The following ACTA2 variants were observed in gnomAD, a reference collection of about 807,000 sequenced individuals.
The protein encoded by ACTA2 is actin alpha 2, smooth muscle.
In ACTA2, 12 loss-of-function variants were observed where a neutral mutation model predicts 39.5. The observed-to-expected ratio is 0.30, with a 90% CI of 0.19 to 0.49. The LOEUF is 0.49. Ranked by LOEUF, ACTA2 falls within the 20% of genes least tolerant of loss-of-function variation. ACTA2 has a pLI of 0.99. For missense variants in ACTA2, 236 were observed against 498.8 expected (o/e 0.47, Z 5.02); for synonymous variants, 158 against 180.6 (o/e 0.88, Z 1.00).
At chr10:88,940,290 G>T (rs1046626696) in intron 6 of ACTA2, 16 of 162,378 alleles carry the variant, frequency 9.9e-5, no homozygotes, top group Non-Finnish European at 2.0e-4. Context: ...TACGGAAGAA[G>T]TGGGCAGGGA....
At chr10:88,954,458 A>G (rs1044177208), upstream of ACTA2, among the ~76,000 whole-genome samples, 1 of 152,198 alleles carries the variant, frequency 6.6e-6, no homozygotes, top group African/African-American at 2.4e-5. Context: ...CATCACAGGA[A>G]TCATGTGAAG....
intron 8 of ACTA2, 78 bp from the exon 9 acceptor site, chr10:88,935,444 A>C: frequency 2.0e-6 from 3 of 1,495,812 alleles, no homozygotes; most frequent in Non-Finnish European, 2.8e-6. Context: ...CAGAGCCTGG[A>C]TGTTCTACCA....
In ACTA2 at chr10:88,963,703, G is replaced by A. The variant is rs889982266; in HGVS notation, c.-23-14750C>T. On this transcript the variant is annotated intron_variant, in intron 1 of 4. Coordinates refer to the ACTA2 transcript ENST00000415557. The stretch of plus-strand genomic sequence containing the variant: ...CAAATGCCATTCTCATTGGAGGCTA[G>A]TGAAGAAGGTGAGTTGACAAGCTTG... Among the ~76,000 whole-genome samples, 3 of 152,172 alleles carry A rather than the reference G, an allele frequency of 2.0e-5. No homozygotes were observed. The East Asian group carries it at 5.8e-4, about 29-fold the overall frequency.
intron 1 of ACTA2, among the ~76,000 whole-genome samples, chr10:88,962,417 A>C (rs1846239700): frequency 1.3e-5 from 2 of 152,106 alleles, no homozygotes; most frequent in Admixed American, 1.3e-4. Flanking sequence ...AAAAGTATGA[A>C]ATGTCATCAA....
At chr10:88,935,432 G>A in intron 8 of ACTA2, 66 bp from the exon 9 acceptor site, 1 of 1,560,870 alleles carries the variant, frequency 6.4e-7, no homozygotes, top group Non-Finnish European at 8.8e-7. Flanking sequence ...AGTGCGGTAG[G>A]ACAGAGCCTG....
At chr10:88,991,049 C>A in exon 1 of ACTA2, 2 of 1,106,728 alleles carry the variant, frequency 1.8e-6, no homozygotes, top group East Asian at 2.5e-5. Context: ...CTGCGGGAGG[C>A]GTTGGAGACT....
At chr10:88,942,021 G>T in intron 4 of ACTA2, 152 bp from the exon 5 acceptor site, 1 of 710,676 alleles carries the variant, frequency 1.4e-6, no homozygotes, top group Non-Finnish European at 2.5e-6. Context: ...CCCTGGTCAC[G>T]TTAAAGAGGA....
intron 1 of ACTA2, among the ~76,000 whole-genome samples, chr10:88,959,094 T>C (rs181977265): frequency 2.0e-5 from 3 of 152,350 alleles, no homozygotes; most frequent in Non-Finnish European, 4.4e-5. Flanking sequence ...ACATCAGTGC[T>C]GTCCAATACA....
chr10:88,985,995 T>C (rs1846870687), intron 1 of ACTA2, among the ~76,000 whole-genome samples: 1 of 152,254 alleles, frequency 6.6e-6, no homozygotes, highest in African/African-American at 2.4e-5. Context: ...TGGCAAGGAA[T>C]GCTGATTTTC....
At chr10:88,955,293 G>C (rs1015359463), upstream of ACTA2, among the ~76,000 whole-genome samples, 1 of 152,218 alleles carries the variant, frequency 6.6e-6, no homozygotes, top group East Asian at 1.9e-4. Flanking sequence ...TTGATGTCTG[G>C]TAAGGAAAAT....
At chr10:88,988,368 G>T (rs73368839) in intron 1 of ACTA2, among the ~76,000 whole-genome samples, 1 of 150,224 alleles carries the variant, frequency 6.7e-6, no homozygotes, top group African/African-American at 2.4e-5. Flanking sequence ...TAAACATTAG[G>T]ACCAAAGGGG....
chr10:88,950,378 A>G lies in ACTA2; in HGVS notation c.-23-1425T>C, dbSNP rs116544554. 7.3e-3 allele frequency among the ~76,000 whole-genome samples: 1,112 copies of G among 152,358 alleles called. 20 individuals carry two copies. Among genetic ancestry groups the G allele is most frequent in the African/African-American group, 0.025 (1,036 of 41,580 alleles). On this transcript the variant is annotated intron_variant, in intron 1 of 8. Coordinates refer to ENST00000224784, the MANE Select transcript of ACTA2 (RefSeq NM_001613.4). The stretch of plus-strand genomic sequence containing the variant: ...AAAAAGGCAGTTCTTTTAAGGAAAC[A>G]TCTGAGAAGTAGGGAAATAAAATAG...
chr10:88,965,623 G>A (rs763183144), intron 1 of ACTA2, among the ~76,000 whole-genome samples: 5 of 151,604 alleles, frequency 3.3e-5, no homozygotes, highest in Non-Finnish European at 7.4e-5. Context: ...AGGTCCTCGG[G>A]CAAACAGGTT....
chr10:88,949,719 G>A (rs2133276005), intron 1 of ACTA2, among the ~76,000 whole-genome samples: 2 of 152,286 alleles, frequency 1.3e-5, no homozygotes, highest in Middle Eastern at 6.8e-3. Context: ...GCAAAAGGTA[G>A]TTCTTATGTA....
Position 88,990,790 on chromosome 10 carries a change from G to T in ACTA2, c.-24+149C>A. The T allele has an allele frequency of 6.4e-7, 1 of 1,572,912 alleles. No individual in the cohort carries two copies. ...TGAGGCCAGCCCTGGCTGCCCAGGC[G>T]GAGCTGCCTCTTCTCCCGCGGGTTG... On this transcript the variant is annotated intron_variant, in intron 1 of 4. Transcript: ENST00000415557. The surrounding 1 kb of genome is among the most constrained non-coding windows in gnomAD (Gnocchi z 4.9).
chr10:88,978,691 A>G (rs909624128), intron 1 of ACTA2, among the ~76,000 whole-genome samples: 1 of 152,120 alleles, frequency 6.6e-6, no homozygotes, highest in African/African-American at 2.4e-5. Flanking sequence ...AGCTCACCCT[A>G]CTTCAGGGAA....
At chr10:88,957,657 C>G (rs1399099378), upstream of ACTA2, among the ~76,000 whole-genome samples, 1 of 152,094 alleles carries the variant, frequency 6.6e-6, no homozygotes, top group Non-Finnish European at 1.5e-5. Context: ...AACAGTATTT[C>G]CCCCTTGTAC....
chr10:88,955,089 G>T (rs1846116352), upstream of ACTA2, among the ~76,000 whole-genome samples: 2 of 151,094 alleles, frequency 1.3e-5, no homozygotes, highest in Non-Finnish European at 2.9e-5. Flanking sequence ...TTGCAGTTCA[G>T]GGACACTATA....
chr10:88,989,644 A>T, intron 1 of ACTA2: 1 of 504,528 alleles, frequency 2.0e-6, no homozygotes. Flanking sequence ...AACCTAACCT[A>T]GATTTGAGGG....
Sources: gnomAD v4.1 joint callset for allele counts (sites outside exome capture counted in the v4.1 genomes callset) on GRCh38, gnomAD v4.1.1 for gene constraint, Gnocchi (gnomAD v3.1) non-coding constraint, MANE v1.5 for transcripts, NCBI Gene and HGNC (gene_info 2026-07-23, HGNC 2026-07-21) for gene names.